DAAM2: variants seen among roughly 807,000 people sequenced by gnomAD.
DAAM2 encodes the protein dishevelled associated activator of morphogenesis 2.
A neutral mutation model predicts 120.7 loss-of-function variants in DAAM2; 39 were observed. That is an observed-to-expected ratio of 0.32 (90% CI 0.25 to 0.42). DAAM2 has a LOEUF of 0.42. Among genes scored for constraint, DAAM2 ranks in the 10% least tolerant of loss-of-function variants. The pLI, the probability that DAAM2 is intolerant of heterozygous loss-of-function variation, is 1.00. For synonymous variants in DAAM2, 488 were observed against 524.9 expected, an observed-to-expected ratio of 0.93 and a Z score of 0.96; for missense variants, 1,283 against 1,401.7, an observed-to-expected ratio of 0.92 and a Z score of 1.35.
chr6:39,800,022 C>T (rs1300149202), intron 1 of DAAM2, among the ~76,000 whole-genome samples: 1 of 152,224 alleles, frequency 6.6e-6, no homozygotes, highest in African/African-American at 2.4e-5. Context: ...CATCCTTACA[C>T]TGGATGTAAC....
chr6:39,871,638 CT>C (rs1764667553), intron 9 of DAAM2, 66 bp downstream of exon 9: 1 of 1,411,288 alleles, frequency 7.1e-7, no homozygotes. Flanking sequence ...CCCACAGCCA[CT>C]TTTCTAGACC....
chr6:39,894,211 A>AT (rs372212262), intron 19 of DAAM2, among the ~76,000 whole-genome samples: 98 of 152,218 alleles, frequency 6.4e-4, no homozygotes, highest in African/African-American at 2.3e-3. Flanking sequence ...GCGTTTTCCC[A>AT]TTTACACTGA....
At chr6:39,846,983 A>G (rs1763620331) in intron 1 of DAAM2, among the ~76,000 whole-genome samples, 1 of 152,122 alleles carries the variant, frequency 6.6e-6, no homozygotes, top group African/African-American at 2.4e-5. Context: ...CCTACCCCCT[A>G]GTTACTGCCC....
chr6:39,862,881 A>G (rs1030595931), intron 3 of DAAM2: 1 of 150,850 alleles, frequency 6.6e-6, no homozygotes. Context: ...TCCAAACCAA[A>G]TTGTAATTTC....
At chr6:39,869,161 G>T (rs1051320901) in intron 7 of DAAM2, among the ~76,000 whole-genome samples, 2 of 152,054 alleles carry the variant, frequency 1.3e-5, no homozygotes, top group African/African-American at 4.8e-5. Context: ...GGCGAGTTTG[G>T]GCCCTTGTTT....
chr6:39,802,806 C>T (rs778121490), intron 1 of DAAM2, among the ~76,000 whole-genome samples: 9 of 152,176 alleles, frequency 5.9e-5, no homozygotes, highest in Non-Finnish European at 1.0e-4. Flanking sequence ...GAGGATGTAG[C>T]TCAATATATT....
chr6:39,861,018 G>A lies in DAAM2; in HGVS notation c.258+1G>A. On this transcript the variant is annotated splice_donor_variant, in intron 3 of 24. Coordinates refer to ENST00000274867, the MANE Select transcript of DAAM2 (RefSeq NM_001201427.2). LOFTEE classifies it high-confidence loss of function. The stretch of plus-strand genomic sequence containing the variant: ...GCAGATCTACTGCAGCAAGAAGAAG[G>A]TGCCCTCTCTGACCCCTCTGGCCAC... The A allele has an allele frequency of 1.2e-6, 2 of 1,608,582 alleles. No homozygotes were observed.
chr6:39,894,474 C>T (rs931606294), intron 19 of DAAM2, among the ~76,000 whole-genome samples: 1 of 152,112 alleles, frequency 6.6e-6, no homozygotes, highest in Non-Finnish European at 1.5e-5. Context: ...GTAATCAACA[C>T]CCAGGTCAAG....
intron 17 of DAAM2, 53 bp from the exon 18 acceptor site, chr6:39,891,288 C>T (rs922834729): frequency 1.5e-5 from 21 of 1,397,058 alleles, no homozygotes; most frequent in Non-Finnish European, 2.0e-5. Flanking sequence ...CACCCTGTAC[C>T]CCATGTCTGC....
At chr6:39,864,576 C>A in intron 4 of DAAM2, 69 bp downstream of exon 4, 4 of 1,268,600 alleles carry the variant, frequency 3.2e-6, no homozygotes, top group East Asian at 2.5e-5. Context: ...ATTCCCCCAG[C>A]CCCCACCCCC....
At chr6:39,852,662 C>T (rs1182030318) in intron 1 of DAAM2, among the ~76,000 whole-genome samples, 1 of 152,218 alleles carries the variant, frequency 6.6e-6, no homozygotes, top group Non-Finnish European at 1.5e-5. Flanking sequence ...CTGTACTCCT[C>T]ACTGAAACCC....
Position 39,902,065 on chromosome 6 carries a change from G to C in DAAM2, c.*28G>C. ...TGGGGAACTAGCCACACAGGAGGCCGGGAGACAGGGACTGGTGAGAATGGG... is the reference window on the plus strand; with the variant it reads ...TGGGGAACTAGCCACACAGGAGGCCCGGAGACAGGGACTGGTGAGAATGGG... On this transcript the variant is annotated 3_prime_UTR_variant, in exon 25 of 25. Coordinates refer to ENST00000274867, the MANE Select transcript of DAAM2 (RefSeq NM_001201427.2). 2 of 1,559,588 alleles carry C rather than the reference G, an allele frequency of 1.3e-6. No homozygotes were observed. Among genetic ancestry groups the C allele is most frequent in the Non-Finnish European group, 1.8e-6 (2 of 1,142,032 alleles).
At chr6:39,849,067 C>T (rs1364478900) in intron 1 of DAAM2, 4 of 152,158 alleles carry the variant, frequency 2.6e-5, no homozygotes, top group Non-Finnish European at 4.4e-5. Context: ...CATATGAAAT[C>T]GGTGTTTCTG....
rs371144150 is a variant in DAAM2, at chr6:39,887,468, T to C, written c.1954-18T>C. 1 of 1,598,480 alleles carries C rather than the reference T, an allele frequency of 6.3e-7. No homozygotes were observed. The highest frequency in any genetic ancestry group is 8.6e-7 in the Non-Finnish European group (1 of 1,167,970). On this transcript the variant is annotated intron_variant, in intron 15 of 24. Coordinates refer to ENST00000274867, the MANE Select transcript of DAAM2 (RefSeq NM_001201427.2). ...GGGAACCCACACCTCAACTGTCCAC[T>C]TGACTTGTTGGTTGCAGAAAGAGCT...
intron 1 of DAAM2, among the ~76,000 whole-genome samples, chr6:39,838,534 G>A (rs1221791543): frequency 6.6e-6 from 1 of 152,148 alleles, no homozygotes; most frequent in Admixed American, 6.5e-5. Context: ...CCAGTGTTTG[G>A]TAAACTTGCC....
chr6:39,804,753 G>T (rs1486976919), intron 1 of DAAM2, among the ~76,000 whole-genome samples: 1 of 152,188 alleles, frequency 6.6e-6, no homozygotes, highest in Non-Finnish European at 1.5e-5. Flanking sequence ...CAGTAATACT[G>T]GTGGTACCAG....
intron 22 of DAAM2, 115 bp downstream of exon 22, chr6:39,899,052 C>A: frequency 2.5e-6 from 2 of 789,660 alleles, no homozygotes; most frequent in Non-Finnish European, 4.2e-6. Flanking sequence ...GCCTCTAGCA[C>A]AGGGTCAGCC....
At chr6:39,875,495 TCTTCCTCCAC>T in intron 11 of DAAM2, 27 bp downstream of exon 11, 1 of 1,603,620 alleles carries the variant, frequency 6.2e-7, no homozygotes, top group Non-Finnish European at 8.5e-7. Flanking sequence ...CTTTGCCCTG[TCTTCCTCCAC>T]CTTCCTCATC....
At chr6:39,824,423 C>T (rs1244615242) in intron 1 of DAAM2, among the ~76,000 whole-genome samples, 2 of 152,208 alleles carry the variant, frequency 1.3e-5, no homozygotes, top group Non-Finnish European at 2.9e-5. Context: ...CTGCCCCAGG[C>T]CCTGTGCTCC....
Sources: allele counts gnomAD v4.1 joint callset (sites outside exome capture counted in the v4.1 genomes callset), GRCh38; gene constraint gnomAD v4.1.1; transcripts MANE v1.5; gene names NCBI Gene and HGNC (gene_info 2026-07-23, HGNC 2026-07-21).